SREBF2: variants seen among roughly 807,000 people sequenced by gnomAD.
SREBF2 encodes the protein sterol regulatory element-binding protein 2.
Under a neutral mutation model 113.1 loss-of-function variants are expected in SREBF2, and 55 were observed. The ratio of observed to expected loss-of-function variants is 0.49; its 90% CI spans 0.39 to 0.61. SREBF2 has a LOEUF of 0.61. SREBF2 is among the 20% of genes least tolerant of loss of function. The pLI, the probability that SREBF2 is intolerant of heterozygous loss-of-function variation, is 0.00. For synonymous variants in SREBF2, 593 were observed against 605.7 expected, an observed-to-expected ratio of 0.98 and a Z score of 0.31; for missense variants, 1,349 against 1,487.4, an observed-to-expected ratio of 0.91 and a Z score of 1.53.
rs186651386 is a variant in SREBF2, at chr22:41,855,508, C to T, written c.89-11323C>T. ...CTGCACTCCAGCCTGGGTGACAGAG[C>T]GAGACTCTGGCTCAAAAAAAACGCA... On this transcript the variant is annotated intron_variant, in intron 1 of 18. Transcript: ENST00000361204. Among the ~76,000 whole-genome samples, 1,078 of 151,886 alleles carry T rather than the reference C, an allele frequency of 7.1e-3. 10 individuals carry two copies. The highest frequency in any genetic ancestry group is 0.025 in the African/African-American group (1,037 of 41,450).
chr22:41,877,619 G>A (rs999592793), intron 8 of SREBF2, among the ~76,000 whole-genome samples, 198 bp downstream of exon 8: 4 of 152,188 alleles, frequency 2.6e-5, no homozygotes, highest in Non-Finnish European at 4.4e-5. Context: ...CAGTCAGAAT[G>A]AGCAAAACAA....
At chr22:41,844,833 C>G (rs890480904) in intron 1 of SREBF2, among the ~76,000 whole-genome samples, 2 of 152,112 alleles carry the variant, frequency 1.3e-5, no homozygotes, top group Non-Finnish European at 2.9e-5. Context: ...TGCTTCTTCC[C>G]AAGTGCTAAC....
At chr22:41,859,353 G>A (rs1436404152) in intron 1 of SREBF2, among the ~76,000 whole-genome samples, 1 of 152,186 alleles carries the variant, frequency 6.6e-6, no homozygotes, top group Non-Finnish European at 1.5e-5. Context: ...TCAATGTGAT[G>A]AATGTGATTC....
At chr22:41,836,481 GTTGGGCATGC>G (rs1168983466) in intron 1 of SREBF2, among the ~76,000 whole-genome samples, 8 of 152,242 alleles carry the variant, frequency 5.3e-5, no homozygotes, top group African/African-American at 1.9e-4. Context: ...GACAAAAAGA[GTTGGGCATGC>G]TGAAGGTCAG....
chr22:41,895,787 C>G (rs1438582864), intron 13 of SREBF2, among the ~76,000 whole-genome samples: 1 of 151,994 alleles, frequency 6.6e-6, no homozygotes, highest in Admixed American at 6.6e-5. Flanking sequence ...GTACTTGGAC[C>G]AAGTCAGGGA....
chr22:41,868,759 G>A lies in SREBF2; in HGVS notation c.687G>A (p.Gln229=). 1 of 1,613,656 alleles carries A rather than the reference G, an allele frequency of 6.2e-7. No homozygotes were observed. ...AGACCCTTGCCCCGGCTACGGTGCA[G>A]ACAGTTGCTGCGCCACAGGTGCAGC... The part of the protein sequence containing the change: ...TLQTLAPATV[Q]TVAAPQVQQV... Residue 229 remains glutamine, a synonymous_variant, in exon 3 of 19, where the codon CAG becomes CAA. Coordinates refer to ENST00000361204, the MANE Select transcript of SREBF2 (RefSeq NM_004599.4).
rs773214831 is a variant in SREBF2 at position 41,833,250 on chromosome 22, G to T, written c.-21G>T. On this transcript the variant is annotated 5_prime_UTR_variant, in exon 1 of 19. Coordinates refer to ENST00000361204, the MANE Select transcript of SREBF2 (RefSeq NM_004599.4). This position sits in a 1 kb window ranked among gnomAD's most constrained non-coding sequence, Gnocchi z 4.1. Reference sequence around the variant, plus strand: ...CTCCCTGAGCGGGACGGCAGGGGGGGCTTCTGCGCTGAGCCGGGCGATGGA... The same window carrying T: ...CTCCCTGAGCGGGACGGCAGGGGGGTCTTCTGCGCTGAGCCGGGCGATGGA... The T allele has an allele frequency of 6.6e-7, 1 of 1,514,712 alleles. No individual in the cohort carries two copies. Among genetic ancestry groups the T allele is most frequent in the Non-Finnish European group, 8.8e-7 (1 of 1,131,674 alleles). 93.8% of individuals were successfully genotyped at this position (1,514,712 alleles called of 1,614,324 possible). A position where few individuals can be genotyped will look rare whatever the true frequency, so the allele number is the denominator to read the frequency against.
chr22:41,846,856 G>A (rs1357302521), intron 1 of SREBF2, among the ~76,000 whole-genome samples: 1 of 152,150 alleles, frequency 6.6e-6, no homozygotes, highest in Non-Finnish European at 1.5e-5. Flanking sequence ...GCACTTGTCT[G>A]TTCTTGCCCT....
Position 41,875,605 on chromosome 22 carries a change from G to C in SREBF2, c.1267G>C (p.Asp423His). Residue 423 changes from aspartate (D) to histidine (H), a missense_variant, in exon 7 of 19, where the codon GAC becomes CAC. Physicochemically the swap from Asp to His is moderately conservative, Grantham distance 81. This residue lies in a region of SREBF2 where 699 missense variants were observed against 843.3 expected (regional missense o/e 0.83). Transcript: ENST00000361204. ...CAATGAGGTGGACCTGAAGATCGAGGACTTTAATCAGAATGTCCTTCTGAT... is the reference window on the plus strand; with the variant it reads ...CAATGAGGTGGACCTGAAGATCGAGCACTTTAATCAGAATGTCCTTCTGAT... ...VDNEVDLKIE[D>H]FNQNVLLMSP... 1 of 1,614,222 alleles carries C rather than the reference G, an allele frequency of 6.2e-7. No individual in the cohort carries two copies. Among genetic ancestry groups the C allele is most frequent in the Non-Finnish European group, 8.5e-7 (1 of 1,180,042 alleles).
At chr22:41,884,031 C>T (rs2077274984) in intron 10 of SREBF2, among the ~76,000 whole-genome samples, 1 of 148,800 alleles carries the variant, frequency 6.7e-6, no homozygotes, top group African/African-American at 2.5e-5. Flanking sequence ...GGTAAGCCTT[C>T]CTGGCCTCCC....
chr22:41,867,111 C>A lies in SREBF2; in HGVS notation c.369C>A (p.Thr123=). 1.2e-6 allele frequency: 2 copies of A among 1,614,212 alleles called. No homozygotes were observed. Among genetic ancestry groups the A allele is most frequent in the Non-Finnish European group, 1.7e-6 (2 of 1,180,052 alleles). ...AGGTTTCTCCCACCTCAGTTCCCAC[C>A]ACACCCAGGGCAACTCCTATTCTTC... ...QVKVSPTSVP[T]TPRATPILQP... The change falls in exon 2 of 19, where the codon ACC becomes ACA. Residue 123 remains threonine (T), a synonymous_variant. Coordinates refer to ENST00000361204, the MANE Select transcript of SREBF2 (RefSeq NM_004599.4).
At chr22:41,874,523 C>A (rs1479779084) in intron 5 of SREBF2, among the ~76,000 whole-genome samples, 1 of 152,216 alleles carries the variant, frequency 6.6e-6, no homozygotes, top group Non-Finnish European at 1.5e-5. Context: ...TAAAACCTAT[C>A]TATGTTTAAA....
At chr22:41,893,475 C>T (rs540038794) in intron 12 of SREBF2, among the ~76,000 whole-genome samples, 190 bp downstream of exon 12, 1 of 152,232 alleles carries the variant, frequency 6.6e-6, no homozygotes, top group Admixed American at 6.5e-5. Context: ...AGGTCACAAG[C>T]CTGATCAGAA....
Position 41,904,889 on chromosome 22 carries a change from C to T in SREBF2, c.3120C>T (p.Arg1040=), listed in dbSNP as rs1281006387. ...RKVFLHEATV[R]LMAGASPTRT... is the part of the protein sequence containing the mutation. ...TGTTCCTGCATGAAGCCACCGTGCGCCTGATGGCAGGAGCCAGCCCCACCC... is the reference window on the plus strand; with the variant it reads ...TGTTCCTGCATGAAGCCACCGTGCGTCTGATGGCAGGAGCCAGCCCCACCC... Residue 1040 remains arginine, a synonymous_variant, in exon 18 of 19, where the codon CGC becomes CGT. Coordinates refer to ENST00000361204, the MANE Select transcript of SREBF2 (RefSeq NM_004599.4). The T allele has an allele frequency of 1.9e-6, 3 of 1,603,254 alleles. No individual in the cohort carries two copies. Among genetic ancestry groups the T allele is most frequent in the Non-Finnish European group, 2.5e-6 (3 of 1,177,258 alleles).
chr22:41,861,368 C>T (rs1283029341), intron 1 of SREBF2, among the ~76,000 whole-genome samples: 1 of 151,900 alleles, frequency 6.6e-6, no homozygotes, highest in Non-Finnish European at 1.5e-5. Flanking sequence ...TGTAATCCCA[C>T]CTACTCAGTG....
Position 41,906,363 on chromosome 22 carries a change from CTTATT to C in SREBF2, c.*705_*709del. 4.8e-6 allele frequency: 1 copy of C among 207,808 alleles called. No individual in the cohort carries two copies. Among genetic ancestry groups the C allele is most frequent in the Non-Finnish European group, 9.9e-6 (1 of 101,508 alleles). The allele number at this position is 207,808 out of a possible 1,614,324, so 12.9% of individuals were successfully genotyped here. ...TAATTTTTTAAAAAATAAATGGTAT[CTTATT>C]TAATTGTCCTGTTCCTTCCCACTCC... On this transcript the variant is annotated 3_prime_UTR_variant, in exon 19 of 19. Transcript: ENST00000361204.
intron 11 of SREBF2, among the ~76,000 whole-genome samples, chr22:41,886,783 C>T (rs1304687054): frequency 6.6e-6 from 1 of 152,230 alleles, no homozygotes; most frequent in Non-Finnish European, 1.5e-5. Flanking sequence ...CCTGTAATCC[C>T]GGCACTTTGG....
intron 1 of SREBF2, among the ~76,000 whole-genome samples, chr22:41,851,087 A>G (rs1022563974): frequency 6.6e-6 from 1 of 152,202 alleles, no homozygotes; most frequent in African/African-American, 2.4e-5. Flanking sequence ...CAGGGTTGAT[A>G]TAACGTACTA....
At chr22:41,865,706 A>G (rs577209031) in intron 1 of SREBF2, among the ~76,000 whole-genome samples, 5 of 152,292 alleles carry the variant, frequency 3.3e-5, no homozygotes, top group African/African-American at 7.2e-5. Context: ...ACAACCAGAC[A>G]AGGGCTAGCA....
Sources: gnomAD v4.1 joint callset for allele counts (sites outside exome capture counted in the v4.1 genomes callset) on GRCh38, gnomAD v4.1.1 for gene constraint, gnomAD v4.1.1 regional missense constraint, Gnocchi (gnomAD v3.1) non-coding constraint, MANE v1.5 for transcripts, NCBI Gene and HGNC (gene_info 2026-07-23, HGNC 2026-07-21) for gene names.